The following SYNE2 variants were observed in gnomAD, a reference collection of about 807,000 sequenced individuals.
The protein encoded by SYNE2 is spectrin repeat containing nuclear envelope protein 2, also known as nesprin-2.
In SYNE2, 431 loss-of-function variants were observed where a neutral mutation model predicts 856.3. That is an observed-to-expected ratio of 0.50 (90% CI 0.47 to 0.55). The LOEUF is 0.55. SYNE2 is among the 20% of genes least tolerant of loss of function. SYNE2 has a pLI of 0.00. For missense variants in SYNE2, 8,129 were observed against 8,023.2 expected, an observed-to-expected ratio of 1.01 and a Z score of -0.50; for synonymous variants, 2,923 against 2,872.3, an observed-to-expected ratio of 1.02 and a Z score of -0.56.
chr14:64,182,223 A>G (rs929000049), intron 96 of SYNE2, among the ~76,000 whole-genome samples: 13 of 152,130 alleles, frequency 8.5e-5, no homozygotes, highest in Admixed American at 6.6e-4. Flanking sequence ...ACAACTTGAA[A>G]TTTTACATCC....
At chr14:63,834,931 C>T (rs1566597228) in intron 1 of SYNE2, among the ~76,000 whole-genome samples, 1 of 152,158 alleles carries the variant, frequency 6.6e-6, no homozygotes, top group Non-Finnish European at 1.5e-5. Flanking sequence ...AGTCACCACG[C>T]CTGGCCACAT....
chr14:64,223,124 C>T (rs1567697953), intron 112 of SYNE2, 65 bp from the exon 113 acceptor site: 28 of 1,585,720 alleles, frequency 1.8e-5, no homozygotes, highest in South Asian at 5.6e-5. Flanking sequence ...TGAGAAAAAC[C>T]TCCTGTGTCC....
rs759824222 is a variant in SYNE2, at chr14:64,069,742, T to TA, written c.10432-902dup. On this transcript the variant is annotated intron_variant, in intron 51 of 115. Coordinates refer to ENST00000555002, the MANE Select transcript of SYNE2 (RefSeq NM_182914.3). Reference sequence around the variant, plus strand: ...ATGCCCCAGGCCACTAGACCCCTGATACTGGGGCTCCTGAATTTTCACAGG... The same window carrying TA: ...ATGCCCCAGGCCACTAGACCCCTGATAACTGGGGCTCCTGAATTTTCACAGG... Among the ~76,000 whole-genome samples the TA allele has an allele frequency of 7.9e-5, 12 of 152,352 alleles. 1 individual carries two copies. The highest frequency in any genetic ancestry group is 2.1e-4 in the South Asian group (1 of 4,830).
chr14:64,212,249 A>T (rs1403659908), intron 104 of SYNE2, 151 bp downstream of exon 104: 17 of 1,298,710 alleles, frequency 1.3e-5, no homozygotes, highest in Admixed American at 1.8e-5. Context: ...CTACCAGATT[A>T]TCACGTGCAA....
chr14:64,073,998 A>T lies in SYNE2; in HGVS notation c.10728A>T (p.Glu3576Asp). Residue 3576 changes from glutamate (E) to aspartate (D), a missense_variant, in exon 53 of 116, where the codon GAA becomes GAT. By Grantham distance (45) the Glu-to-Asp change is conservative (BLOSUM62 2). This residue lies in a region of SYNE2 where 5,410 missense variants were observed against 5,284.8 expected (regional missense o/e 1.02). Coordinates refer to ENST00000555002, the MANE Select transcript of SYNE2 (RefSeq NM_182914.3). The stretch of plus-strand genomic sequence containing the variant: ...TTCAGAAAGTTCAGAAAAATAAAGA[A>T]TTGGTGCAGACTGAAATCCAAGAAA... The part of the protein sequence containing the change: ...KLLQKVQKNK[E>D]LVQTEIQERH... 1 of 1,614,242 alleles carries T rather than the reference A, an allele frequency of 6.2e-7. No individual in the cohort carries two copies. The highest frequency in any genetic ancestry group is 8.5e-7 in the Non-Finnish European group (1 of 1,180,046).
intron 1 of SYNE2, among the ~76,000 whole-genome samples, chr14:63,878,132 C>A (rs2094770563): frequency 6.6e-6 from 1 of 152,058 alleles, no homozygotes; most frequent in Non-Finnish European, 1.5e-5. Context: ...AGTGATCCAC[C>A]TGCCTTGGCC....
chr14:63,830,395 T>G (rs1220322442), intron 1 of SYNE2, among the ~76,000 whole-genome samples: 1 of 152,112 alleles, frequency 6.6e-6, no homozygotes, highest in Non-Finnish European at 1.5e-5. Context: ...ACATGGTGGC[T>G]CATGCCTGTA....
intron 1 of SYNE2, among the ~76,000 whole-genome samples, chr14:63,881,553 T>C (rs1238773757): frequency 1.3e-5 from 2 of 150,376 alleles, no homozygotes; most frequent in Non-Finnish European, 3.0e-5. Context: ...AATTTGTGTG[T>C]CATATATTTT....
chr14:63,968,236 A>G (rs544143029), intron 11 of SYNE2, among the ~76,000 whole-genome samples: 134 of 152,290 alleles, frequency 8.8e-4, no homozygotes, highest in Non-Finnish European at 1.6e-3. Context: ...TTCCATGAGA[A>G]ATTATGTAAA....
chr14:64,002,831 A>G lies in SYNE2; in HGVS notation c.3898A>G (p.Ile1300Val), dbSNP rs1319704856. ...HPFDLHAMQNIILKYKTQFEG... is the reference protein window; with the variant it reads ...HPFDLHAMQNVILKYKTQFEG... ...ATTTGATCTACACGCAATGCAGAAT[A>G]TTATACTGAAATACAAAACACAATT... Residue 1300 changes from isoleucine (I) to valine (V), a missense_variant, in exon 30 of 116, where the codon ATT (isoleucine) becomes GTT (valine). By Grantham distance (29) the Ile-to-Val change is conservative. This residue lies in a region of SYNE2 where 2,422 missense variants were observed against 2,357.4 expected (regional missense o/e 1.03). Transcript: ENST00000555002. The G allele has an allele frequency of 6.2e-7, 1 of 1,614,208 alleles. No individual in the cohort carries two copies. Among genetic ancestry groups the G allele is most frequent in the Non-Finnish European group, 8.5e-7 (1 of 1,180,036 alleles).
intron 47 of SYNE2, among the ~76,000 whole-genome samples, chr14:64,051,250 A>C (rs2097223390): frequency 1.3e-5 from 2 of 151,628 alleles, no homozygotes; most frequent in African/African-American, 2.4e-5. Flanking sequence ...TTTTATGTAC[A>C]TTCTTCCCTT....
chr14:64,208,345 C>T (rs575621060), intron 100 of SYNE2, among the ~76,000 whole-genome samples: 4 of 152,198 alleles, frequency 2.6e-5, no homozygotes, highest in Non-Finnish European at 5.9e-5. Context: ...GCTGAAGAGA[C>T]TCAGTTTCTA....
chr14:64,141,557 AT>A (rs1198032845), intron 81 of SYNE2, 34 bp downstream of exon 81: 8 of 1,599,218 alleles, frequency 5.0e-6, no homozygotes, highest in Non-Finnish European at 6.9e-6. Flanking sequence ...TTGAATTAGC[AT>A]TCACTTGTTA....
chr14:63,935,832 A>T (rs1338103519), intron 2 of SYNE2, among the ~76,000 whole-genome samples: 1 of 152,186 alleles, frequency 6.6e-6, no homozygotes, highest in Admixed American at 6.5e-5. Flanking sequence ...TGGGCAACGT[A>T]GTCAGACCTC....
chr14:64,006,945 A>C (rs766497176), intron 30 of SYNE2, 98 bp from the exon 31 acceptor site: 3 of 944,982 alleles, frequency 3.2e-6, no homozygotes, highest in Non-Finnish European at 5.2e-6. Flanking sequence ...CCACATGAGG[A>C]CAAATTAAAG....
chr14:64,043,153 G>A (rs918977066), intron 45 of SYNE2, among the ~76,000 whole-genome samples: 5 of 152,186 alleles, frequency 3.3e-5, no homozygotes, highest in Non-Finnish European at 7.3e-5. Context: ...TTGCGGAACC[G>A]AACTTGAGAG....
chr14:63,854,886 T>G lies in SYNE2; in HGVS notation c.-52+1743T>G, dbSNP rs537516058. Among the ~76,000 whole-genome samples the G allele has an allele frequency of 3.3e-5, 5 of 152,162 alleles. No homozygotes were observed. In the East Asian group the frequency reaches 5.8e-4, roughly 18 times the overall value. ...GAGAGTTAATGTAAAATTTAAAAAC[T>G]GAATGAATCACATTTTAATAAGGGA... On this transcript the variant is annotated intron_variant, in intron 1 of 115. Transcript: ENST00000555002.
intron 66 of SYNE2, among the ~76,000 whole-genome samples, chr14:64,113,841 C>T (rs2097832373): frequency 6.6e-6 from 1 of 152,132 alleles, no homozygotes; most frequent in African/African-American, 2.4e-5. Flanking sequence ...TTCTCAGCCT[C>T]ATTTTCCTTA....
chr14:63,841,832 CTTTTTTTTTT>C (rs34947861), intron 1 of SYNE2, among the ~76,000 whole-genome samples: 37 of 115,056 alleles, frequency 3.2e-4, no homozygotes, highest in Non-Finnish European at 5.6e-4. Context: ...TTCTTTCTTT[CTTTTTTTTTT>C]TTTTTTTTGA....
Sources: allele counts gnomAD v4.1 joint callset (sites outside exome capture counted in the v4.1 genomes callset), GRCh38; gene constraint gnomAD v4.1.1; regional missense constraint gnomAD v4.1.1; transcripts MANE v1.5; gene names NCBI Gene and HGNC (gene_info 2026-07-23, HGNC 2026-07-21).